PPP2CB: variants seen among roughly 807,000 people sequenced by gnomAD.
PPP2CB encodes serine/threonine-protein phosphatase 2A catalytic subunit beta isoform.
PPP2CB carries 18 observed loss-of-function variants against 39.1 expected under a neutral mutation model. The observed-to-expected ratio is 0.46, with a 90% CI of 0.32 to 0.68. The LOEUF (loss-of-function observed/expected upper bound fraction) is 0.68, where lower values mean the gene tolerates loss of function less well. PPP2CB is among the 30% of genes least tolerant of loss of function. The probability of loss-of-function intolerance (pLI) is 0.04; values close to 1 mark genes in which losing one functional copy is unlikely to be tolerated. For synonymous variants in PPP2CB, 129 were observed against 133.8 expected (o/e 0.96, Z 0.25); for missense variants, 226 against 396.9 (o/e 0.57, Z 3.66).
chr8:30,795,125 T>TC (rs1210016222), intron 3 of PPP2CB, among the ~76,000 whole-genome samples: 1 of 150,672 alleles, frequency 6.6e-6, no homozygotes, highest in Non-Finnish European at 1.5e-5. Context: ...TTTGATTTTT[T>TC]TTTTTTTTTT....
At chr8:30,807,517 T>A (rs1193484217) in intron 1 of PPP2CB, among the ~76,000 whole-genome samples, 2 of 152,240 alleles carry the variant, frequency 1.3e-5, no homozygotes, top group South Asian at 4.1e-4. Context: ...ATATTTATAC[T>A]TCTACACAAG....
In PPP2CB at chr8:30,785,993, T is replaced by C. The variant is rs768838489; in HGVS notation, c.*242A>G. On this transcript the variant is annotated 3_prime_UTR_variant, in exon 7 of 7. Coordinates refer to ENST00000221138, the MANE Select transcript of PPP2CB (RefSeq NM_001009552.2). ...ACAGTCCAAAGGAAAATGGTTACTA[T>C]AAATACAGCAGGCAAACTGTTAGAC... 4 of 632,070 alleles carry C rather than the reference T, an allele frequency of 6.3e-6. No individual in the cohort carries two copies. Among genetic ancestry groups the C allele is most frequent in the South Asian group, 3.0e-5 (2 of 66,022 alleles). 39.2% of individuals were successfully genotyped at this position (632,070 alleles called of 1,614,324 possible). A position where few individuals can be genotyped will look rare whatever the true frequency, so the allele number is the denominator to read the frequency against.
chr8:30,799,790 A>C (rs1284039809), intron 1 of PPP2CB, 35 bp from the exon 2 acceptor site: 1 of 1,580,574 alleles, frequency 6.3e-7, no homozygotes, highest in Non-Finnish European at 8.7e-7. Context: ...TTACAAAGTT[A>C]AAACTATCAT....
chr8:30,791,853 C>T lies in PPP2CB; in HGVS notation c.739-538G>A, dbSNP rs531382330. Among the ~76,000 whole-genome samples the T allele has an allele frequency of 1.1e-4, 16 of 148,934 alleles. No individual in the cohort carries two copies. In the South Asian group the frequency reaches 2.6e-3, roughly 24 times the overall value. The stretch of plus-strand genomic sequence containing the variant: ...ATGTGTATATACATATGTATATATA[C>T]GTGTATATATGTATATATGTGTGTG... On this transcript the variant is annotated intron_variant, in intron 5 of 6. Coordinates refer to ENST00000221138, the MANE Select transcript of PPP2CB (RefSeq NM_001009552.2).
chr8:30,810,092 T>G (rs1355387899), intron 1 of PPP2CB: 1 of 152,240 alleles, frequency 6.6e-6, no homozygotes, highest in Admixed American at 6.5e-5. Context: ...TCGTTGACAC[T>G]CCGGTGTGAT....
intron 1 of PPP2CB, among the ~76,000 whole-genome samples, chr8:30,809,255 T>C (rs1255946943): frequency 1.3e-5 from 2 of 151,862 alleles, no homozygotes; most frequent in Admixed American, 6.6e-5. Flanking sequence ...CCCGGGAGGA[T>C]TGGTACATAT....
chr8:30,788,256 T>C (rs959817306), intron 6 of PPP2CB, among the ~76,000 whole-genome samples: 1 of 142,586 alleles, frequency 7.0e-6, no homozygotes, highest in Admixed American at 7.0e-5. Flanking sequence ...AATCTTCTTG[T>C]TTTTTTTTTT....
chr8:30,798,792 T>C (rs1047431981), intron 2 of PPP2CB, among the ~76,000 whole-genome samples: 2 of 152,156 alleles, frequency 1.3e-5, no homozygotes, highest in Non-Finnish European at 2.9e-5. Flanking sequence ...AGTTTCCTCA[T>C]AGTAATTTAG....
At chr8:30,795,374 C>A (rs934971678) in intron 3 of PPP2CB, among the ~76,000 whole-genome samples, 1 of 152,156 alleles carries the variant, frequency 6.6e-6, no homozygotes. Context: ...CTTGGCCTCC[C>A]AAAGTGCTGG....
chr8:30,797,589 C>G lies in PPP2CB; in HGVS notation c.478G>C (p.Asp160His). Residue 160 changes from aspartate (D) to histidine (H), a missense_variant, in exon 3 of 7, where the codon GAT becomes CAT. This residue lies in a region of PPP2CB where 110 missense variants were observed against 244.1 expected (regional missense o/e 0.45). Coordinates refer to ENST00000221138, the MANE Select transcript of PPP2CB (RefSeq NM_001009552.2). Reference sequence around the variant, plus strand: ...AGCACACATATACATACCTGTCCATCTACTAAAGCTGTAAGTGGAAGATAA... The same window carrying G: ...AGCACACATATACATACCTGTCCATGTACTAAAGCTGTAAGTGGAAGATAA... Reference protein sequence around the residue: ...FDYLPLTALVDGQIFCLHGGL... With the variant: ...FDYLPLTALVHGQIFCLHGGL... The G allele has an allele frequency of 6.2e-7, 1 of 1,612,412 alleles. No individual in the cohort carries two copies.
chr8:30,805,784 T>C (rs1006241358), intron 1 of PPP2CB, among the ~76,000 whole-genome samples: 4 of 152,152 alleles, frequency 2.6e-5, no homozygotes, highest in Non-Finnish European at 4.4e-5. Context: ...TCCAATGGAG[T>C]CTTCCACATT....
At position 30,786,032 on chromosome 8, in the gene PPP2CB, A is replaced by C. The variant is rs1806334763; in HGVS notation, c.*203T>G. 1 of 676,576 alleles carries C rather than the reference A, an allele frequency of 1.5e-6. No homozygotes were observed. Among genetic ancestry groups the C allele is most frequent in the Non-Finnish European group, 2.7e-6 (1 of 370,046 alleles). The allele number at this position is 676,576 out of a possible 1,614,324, so 41.9% of individuals were successfully genotyped here. On this transcript the variant is annotated 3_prime_UTR_variant, in exon 7 of 7. Coordinates refer to ENST00000221138, the MANE Select transcript of PPP2CB (RefSeq NM_001009552.2). ...AAACTGTTAGACTGACCTAGAACAT[A>C]GTGTACTAAATTTCAGTCTCAAATT...
chr8:30,810,466 C>CA (rs1806806818), intron 1 of PPP2CB, among the ~76,000 whole-genome samples: 1 of 151,912 alleles, frequency 6.6e-6, no homozygotes, highest in African/African-American at 2.4e-5. Flanking sequence ...AAAAATAAAA[C>CA]AAAAAAAGGA....
chr8:30,793,718 T>C, intron 5 of PPP2CB, 199 bp downstream of exon 5: 1 of 493,420 alleles, frequency 2.0e-6, no homozygotes, highest in Non-Finnish European at 3.5e-6. Flanking sequence ...AACTTTTTTC[T>C]AAGTCTCAAT....
intron 5 of PPP2CB, 32 bp from the exon 6 acceptor site, chr8:30,791,347 T>C (rs1239479790): frequency 4.7e-5 from 67 of 1,433,306 alleles, no homozygotes; most frequent in Non-Finnish European, 6.2e-5. Flanking sequence ...ATTATTTCAT[T>C]ATAATATTAT....
chr8:30,794,041 T>C lies in PPP2CB; in HGVS notation c.614A>G (p.Asp205Gly). The C allele has an allele frequency of 6.2e-7, 1 of 1,611,790 alleles. No individual in the cohort carries two copies. The highest frequency in any genetic ancestry group is 8.5e-7 in the Non-Finnish European group (1 of 1,178,808). The change falls in exon 5 of 7, where the codon GAT becomes GGT. Residue 205 changes from aspartate to glycine, a missense_variant. By Grantham distance (94) the Asp-to-Gly change is moderately conservative (BLOSUM62 -1). Transcript: ENST00000221138. ...TGGTGAAATACCCCATCCACCACGA[T>C]CATCTGGATCTGACCATAACAGATC... ...MCDLLWSDPD[D>G]RGGWGISPRG...
intron 2 of PPP2CB, among the ~76,000 whole-genome samples, chr8:30,798,800 T>C (rs937073619): frequency 2.6e-5 from 4 of 152,182 alleles, no homozygotes; most frequent in African/African-American, 7.2e-5. Context: ...CATAGTAATT[T>C]AGAGCAGAAG....
chr8:30,796,652 G>T (rs1212366560), intron 3 of PPP2CB, among the ~76,000 whole-genome samples: 1 of 152,136 alleles, frequency 6.6e-6, no homozygotes, highest in Admixed American at 6.5e-5. Flanking sequence ...GCCTCCTAAA[G>T]TGCTGGGATT....
chr8:30,810,948 A>G (rs891833293), intron 1 of PPP2CB, among the ~76,000 whole-genome samples: 5 of 152,234 alleles, frequency 3.3e-5, no homozygotes, highest in Middle Eastern at 3.2e-3. Context: ...CATGACTTCT[A>G]AACATTACGG....
Sources: allele counts gnomAD v4.1 joint callset (sites outside exome capture counted in the v4.1 genomes callset), GRCh38; gene constraint gnomAD v4.1.1; regional missense constraint gnomAD v4.1.1; transcripts MANE v1.5; gene names NCBI Gene and HGNC (gene_info 2026-07-23, HGNC 2026-07-21).